Variants in THSD7B observed in about 807,000 individuals in gnomAD.
THSD7B encodes thrombospondin type-1 domain-containing protein 7B.
In THSD7B, 138 loss-of-function variants were observed where a neutral mutation model predicts 213.6. The ratio of observed to expected loss-of-function variants is 0.65; its 90% CI spans 0.56 to 0.74. The LOEUF (loss-of-function observed/expected upper bound fraction) is 0.74, where lower values mean the gene tolerates loss of function less well. Ranked by LOEUF, THSD7B falls within the 30% of genes least tolerant of loss-of-function variation. THSD7B has a pLI of 0.00. For missense variants in THSD7B, 1,931 were observed against 1,991.5 expected, an observed-to-expected ratio of 0.97 and a Z score of 0.58; for synonymous variants, 742 against 687.0, an observed-to-expected ratio of 1.08 and a Z score of -1.25.
chr2:137,477,756 C>T (rs2105101093), intron 15 of THSD7B, among the ~76,000 whole-genome samples: 1 of 152,130 alleles, frequency 6.6e-6, no homozygotes, highest in South Asian at 2.1e-4. Flanking sequence ...TTAAGCATTT[C>T]TGGTACAGCC....
At chr2:137,301,914 T>A (rs1406127566) in intron 12 of THSD7B, among the ~76,000 whole-genome samples, 1 of 152,106 alleles carries the variant, frequency 6.6e-6, no homozygotes, top group Non-Finnish European at 1.5e-5. Flanking sequence ...TACAGAAGAC[T>A]GATAGGATCC....
At chr2:137,028,980 G>A (rs565819955) in intron 2 of THSD7B, among the ~76,000 whole-genome samples, 1 of 150,664 alleles carries the variant, frequency 6.6e-6, no homozygotes, top group Non-Finnish European at 1.5e-5. Context: ...TTTGATCTCT[G>A]TAAATTTTAT....
At position 137,158,700 on chromosome 2, in the gene THSD7B, G is replaced by A. The variant is rs375604737; in HGVS notation, c.1370-1513G>A. ...TTATTTTGCTGCTATTTTGGTGTTCGAAGTTCTGCTGGTCAGTGCTGAAAT... is the reference window on the plus strand; with the variant it reads ...TTATTTTGCTGCTATTTTGGTGTTCAAAGTTCTGCTGGTCAGTGCTGAAAT... On this transcript the variant is annotated intron_variant, in intron 5 of 27. Transcript: ENST00000409968. 7.9e-4 allele frequency among the ~76,000 whole-genome samples: 120 copies of A among 152,090 alleles called. 1 individual carries two copies. The highest frequency in any genetic ancestry group is 2.7e-3 in the African/African-American group (113 of 41,496).
At chr2:136,860,407 A>G (rs1683241749) in intron 1 of THSD7B, among the ~76,000 whole-genome samples, 1 of 152,100 alleles carries the variant, frequency 6.6e-6, no homozygotes, top group Non-Finnish European at 1.5e-5. Context: ...ACAGTTTCCT[A>G]TGTGCTATTT....
At chr2:137,529,948 A>T (rs1323761605) in intron 15 of THSD7B, among the ~76,000 whole-genome samples, 1 of 152,078 alleles carries the variant, frequency 6.6e-6, no homozygotes, top group Admixed American at 6.6e-5. Context: ...TGTGGGAAAA[A>T]TTAAGTGCAA....
At chr2:137,243,606 C>T (rs1266262804) in intron 10 of THSD7B, among the ~76,000 whole-genome samples, 4 of 152,202 alleles carry the variant, frequency 2.6e-5, no homozygotes, top group African/African-American at 7.2e-5. Flanking sequence ...CAGCTGTGTG[C>T]GTCTAAGATC....
At chr2:137,615,965 G>A (rs1305455852) in intron 17 of THSD7B, among the ~76,000 whole-genome samples, 1 of 152,046 alleles carries the variant, frequency 6.6e-6, no homozygotes, top group Non-Finnish European at 1.5e-5. Context: ...AGCCTTCAAG[G>A]TAACACAGGA....
chr2:136,799,336 TAAA>T (rs1175885990), intron 1 of THSD7B, among the ~76,000 whole-genome samples: 3 of 151,852 alleles, frequency 2.0e-5, no homozygotes, highest in Non-Finnish European at 4.4e-5. Context: ...TTTCACAAAA[TAAA>T]AAAAATTCTT....
chr2:137,653,764 T>C (rs1436771222), intron 21 of THSD7B, among the ~76,000 whole-genome samples: 1 of 151,228 alleles, frequency 6.6e-6, no homozygotes, highest in Admixed American at 6.6e-5. Flanking sequence ...TATTTCTATT[T>C]TTTAAAATTA....
At chr2:137,226,224 T>C (rs1013022040) in intron 7 of THSD7B, among the ~76,000 whole-genome samples, 4 of 151,854 alleles carry the variant, frequency 2.6e-5, no homozygotes, top group African/African-American at 9.7e-5. Flanking sequence ...AGAGGAAATA[T>C]CAATAAAGTA....
intron 1 of THSD7B, among the ~76,000 whole-genome samples, chr2:136,768,233 G>A (rs910459348): frequency 7.3e-4 from 111 of 152,244 alleles, no homozygotes; most frequent in African/African-American, 2.5e-3. Context: ...GTTAATATCA[G>A]CAAAAAGAAT....
chr2:137,019,908 C>T (rs1334798327), intron 2 of THSD7B, among the ~76,000 whole-genome samples: 2 of 152,028 alleles, frequency 1.3e-5, no homozygotes, highest in Non-Finnish European at 2.9e-5. Context: ...GATAGTTACC[C>T]GTGGTGTAAT....
At chr2:137,639,155 C>G (rs1682890202) in intron 20 of THSD7B, among the ~76,000 whole-genome samples, 1 of 152,110 alleles carries the variant, frequency 6.6e-6, no homozygotes, top group Non-Finnish European at 1.5e-5. Flanking sequence ...CCATCACAGC[C>G]TGGAGTCCCA....
At position 137,451,026 on chromosome 2, in the gene THSD7B, A is replaced by G; in HGVS notation, c.3138+3A>G. The G allele has an allele frequency of 6.4e-7, 1 of 1,574,500 alleles. No homozygotes were observed. Among genetic ancestry groups the G allele is most frequent in the Non-Finnish European group, 8.6e-7 (1 of 1,162,256 alleles). ...CCAAACTGGATCTCAAGAATCAGGTAAAGTGCATGAAGCAACAAATAAAAA... is the reference window on the plus strand; with the variant it reads ...CCAAACTGGATCTCAAGAATCAGGTGAAGTGCATGAAGCAACAAATAAAAA... On this transcript the variant is annotated splice_donor_region_variant and intron_variant, in intron 15 of 27. Coordinates refer to ENST00000409968, the MANE Select transcript of THSD7B (RefSeq NM_001316349.2).
At position 137,242,449 on chromosome 2, in the gene THSD7B, A is replaced by C. The variant is rs1191780434; in HGVS notation, c.2151-8A>C. 1.9e-6 allele frequency: 3 copies of C among 1,609,820 alleles called. No individual in the cohort carries two copies. Among genetic ancestry groups the C allele is most frequent in the Non-Finnish European group, 2.6e-6 (3 of 1,176,180 alleles). On this transcript the variant is annotated splice_polypyrimidine_tract_variant and splice_region_variant and intron_variant, in intron 9 of 27. Transcript: ENST00000409968. The stretch of plus-strand genomic sequence containing the variant: ...AAAGGCATTGACATGGTCTTTTCAC[A>C]TTGACAGATGTCCAGATTCTACTCG...
chr2:137,240,315 G>A (rs564619328), intron 9 of THSD7B, among the ~76,000 whole-genome samples: 1 of 152,274 alleles, frequency 6.6e-6, no homozygotes, highest in Admixed American at 6.5e-5. Context: ...CCTATGCATT[G>A]TTTCTAAAAT....
chr2:137,289,235 A>G (rs971046958), intron 12 of THSD7B, among the ~76,000 whole-genome samples: 1 of 151,960 alleles, frequency 6.6e-6, no homozygotes, highest in African/African-American at 2.4e-5. Flanking sequence ...AAAAGGGTGA[A>G]GAAGGGGAGT....
intron 14 of THSD7B, among the ~76,000 whole-genome samples, chr2:137,447,941 GA>G (rs1265589505): frequency 2.0e-5 from 3 of 151,978 alleles, no homozygotes; most frequent in African/African-American, 7.2e-5. Flanking sequence ...GAAGAGAGAA[GA>G]AAAAAATATG....
At chr2:137,166,331 A>G (rs1680128315) in intron 6 of THSD7B, among the ~76,000 whole-genome samples, 1 of 152,212 alleles carries the variant, frequency 6.6e-6, no homozygotes, top group Non-Finnish European at 1.5e-5. Context: ...ATTAGCCTGA[A>G]AAAATAAATA....
Sources: gnomAD v4.1 joint callset for allele counts (sites outside exome capture counted in the v4.1 genomes callset) on GRCh38, gnomAD v4.1.1 for gene constraint, MANE v1.5 for transcripts, NCBI Gene and HGNC (gene_info 2026-07-23, HGNC 2026-07-21) for gene names.